The following PUM2 variants were observed in gnomAD, a reference collection of about 807,000 sequenced individuals.
PUM2 encodes pumilio RNA binding family member 2, also known as pumilio homolog 2.
PUM2 carries 57 observed loss-of-function variants against 124.5 expected under a neutral mutation model. The observed-to-expected ratio is 0.46, with a 90% CI of 0.37 to 0.57. The LOEUF is 0.57. Among genes scored for constraint, PUM2 ranks in the 20% least tolerant of loss-of-function variants. The pLI is 0.00. For missense variants in PUM2, 1,065 were observed against 1,290.6 expected, an observed-to-expected ratio of 0.83 and a Z score of 2.68; for synonymous variants, 460 against 446.1, an observed-to-expected ratio of 1.03 and a Z score of -0.39.
At chr2:20,327,083 T>C (rs1394795024) in intron 2 of PUM2, among the ~76,000 whole-genome samples, 1 of 151,896 alleles carries the variant, frequency 6.6e-6, no homozygotes, top group Non-Finnish European at 1.5e-5. Context: ...ACCAAGTCAA[T>C]CAAATCACCT....
chr2:20,324,692 G>A (rs1683250463), intron 2 of PUM2, among the ~76,000 whole-genome samples: 2 of 152,152 alleles, frequency 1.3e-5, no homozygotes, highest in African/African-American at 4.8e-5. Context: ...CATGCTATCA[G>A]TGTAAAAACA....
Position 20,294,495 on chromosome 2 carries a change from A to T in PUM2, c.1033T>A (p.Tyr345Asn), listed in dbSNP as rs1675034929. 6.2e-7 allele frequency: 1 copy of T among 1,613,936 alleles called. No homozygotes were observed. Among genetic ancestry groups the T allele is most frequent in the South Asian group, 1.1e-5 (1 of 91,074 alleles). ...LAGPAVVPPQ[Y>N]YGVPWGVYPA... The stretch of plus-strand genomic sequence containing the variant: ...TACACCCCCCATGGAACGCCGTAAT[A>T]CTGAGGTGGAACCACTGCTGGACCT... Residue 345 changes from tyrosine to asparagine, a missense_variant, in exon 9 of 21, where the codon TAT (tyrosine) becomes AAT (asparagine). Transcript: ENST00000361078.
At position 20,254,867 on chromosome 2, in the gene PUM2, C is replaced by T; in HGVS notation, c.2866G>A (p.Ala956Thr). ...AATTACAAAGTATTACAATACCTGG[C>T]AAATTTGTGTTGACTCAGGGCTAAA... Reference protein sequence around the residue: ...KVLALSQHKFASNVVEKCVTH... With the variant: ...KVLALSQHKFTSNVVEKCVTH... Residue 956 changes from alanine to threonine, a missense_variant, in exon 19 of 21, where the codon GCC (alanine) becomes ACC (threonine). This residue lies in a region of PUM2 where 968 missense variants were observed against 1,159.8 expected (regional missense o/e 0.83). Coordinates refer to ENST00000361078, the MANE Select transcript of PUM2 (RefSeq NM_015317.5). 1 of 1,612,444 alleles carries T rather than the reference C, an allele frequency of 6.2e-7. No individual in the cohort carries two copies. The highest frequency in any genetic ancestry group is 8.5e-7 in the Non-Finnish European group (1 of 1,179,528).
chr2:20,349,745 C>T (rs979576767), intron 1 of PUM2, among the ~76,000 whole-genome samples: 5 of 152,246 alleles, frequency 3.3e-5, no homozygotes, highest in African/African-American at 9.6e-5. Flanking sequence ...TTCACCAAAA[C>T]ATCTGCCCCG....
chr2:20,313,300 G>C (rs536924336), intron 3 of PUM2, among the ~76,000 whole-genome samples: 1 of 152,274 alleles, frequency 6.6e-6, no homozygotes, highest in Admixed American at 6.5e-5. Flanking sequence ...GAAAACTTTT[G>C]GTTGAGACTA....
chr2:20,332,712 T>C (rs1388097914), intron 1 of PUM2, among the ~76,000 whole-genome samples: 2 of 152,170 alleles, frequency 1.3e-5, no homozygotes, highest in Non-Finnish European at 2.9e-5. Flanking sequence ...AATAAAAAAG[T>C]TGGAATTTGG....
intron 3 of PUM2, among the ~76,000 whole-genome samples, chr2:20,313,527 C>T (rs957189309): frequency 6.6e-6 from 1 of 152,122 alleles, no homozygotes; most frequent in African/African-American, 2.4e-5. Context: ...ATAATATAAA[C>T]CTTCAGGGAT....
At chr2:20,330,858 TGA>T (rs1352672157) in intron 1 of PUM2, among the ~76,000 whole-genome samples, 2 of 152,204 alleles carry the variant, frequency 1.3e-5, no homozygotes, top group Non-Finnish European at 2.9e-5. Flanking sequence ...AATCTGTGTG[TGA>T]GAGCTGATGC....
rs576172355 is a variant in PUM2 at position 20,271,916 on chromosome 2, T to C, written c.1957+6667A>G. On this transcript the variant is annotated intron_variant, in intron 13 of 20. Transcript: ENST00000361078. Reference sequence around the variant, plus strand: ...GCTCACACCTGTAATCCCAGCACTTTGGGAGACCGAGGCAAGTGGATCACC... The same window carrying C: ...GCTCACACCTGTAATCCCAGCACTTCGGGAGACCGAGGCAAGTGGATCACC... 1.4e-3 allele frequency among the ~76,000 whole-genome samples: 211 copies of C among 152,272 alleles called. 2 individuals carry two copies. The highest frequency in any genetic ancestry group is 4.9e-3 in the African/African-American group (205 of 41,550).
intron 4 of PUM2, 116 bp from the exon 5 acceptor site, chr2:20,311,779 T>C: frequency 8.8e-7 from 1 of 1,130,020 alleles, no homozygotes; most frequent in Non-Finnish European, 1.2e-6. Flanking sequence ...CATTGAATCT[T>C]ATTTAATTTC....
intron 1 of PUM2, among the ~76,000 whole-genome samples, chr2:20,345,221 C>T (rs1218194142): frequency 6.6e-6 from 1 of 151,624 alleles, no homozygotes; most frequent in Non-Finnish European, 1.5e-5. Context: ...CACCTCATTC[C>T]CACCTCAGCC....
At chr2:20,350,956 C>T (rs1689270423), upstream of PUM2, 1 of 214,690 alleles carries the variant, frequency 4.7e-6, no homozygotes, top group Admixed American at 6.5e-5. Flanking sequence ...GCGCTGCCGC[C>T]GCGCGGGCCG....
intron 13 of PUM2, among the ~76,000 whole-genome samples, chr2:20,273,623 A>C (rs1351924641): frequency 6.6e-6 from 1 of 152,158 alleles, no homozygotes; most frequent in Non-Finnish European, 1.5e-5. Flanking sequence ...TCTTCAAAAC[A>C]TTATTTCCTA....
At chr2:20,296,610 C>A (rs1477184513) in intron 8 of PUM2, among the ~76,000 whole-genome samples, 1 of 151,466 alleles carries the variant, frequency 6.6e-6, no homozygotes, top group African/African-American at 2.4e-5. Context: ...CCAGCCCCCC[C>A]AAAAACAACA....
chr2:20,255,415 GTT>G (rs66951840), intron 17 of PUM2, 74 bp from the exon 18 acceptor site: 12,973 of 1,135,978 alleles, frequency 0.011, no homozygotes, highest in Middle Eastern at 0.016. Context: ...AGACTGGTTT[GTT>G]TTTTTTTTTT....
At chr2:20,279,213 T>C (rs1354793598) in intron 12 of PUM2, among the ~76,000 whole-genome samples, 1 of 151,936 alleles carries the variant, frequency 6.6e-6, no homozygotes, top group African/African-American at 2.4e-5. Flanking sequence ...AACCTGCTTC[T>C]TAGACTTTAA....
chr2:20,281,487 A>T (rs1199936004), intron 12 of PUM2, among the ~76,000 whole-genome samples: 2 of 152,186 alleles, frequency 1.3e-5, no homozygotes, highest in Admixed American at 1.3e-4. Flanking sequence ...TTTTTTCTGA[A>T]TTATTTAGGG....
intron 7 of PUM2, among the ~76,000 whole-genome samples, chr2:20,307,362 C>T (rs1678585077): frequency 6.6e-6 from 1 of 151,926 alleles, no homozygotes; most frequent in African/African-American, 2.4e-5. Flanking sequence ...TAGACAAAAT[C>T]AGACAGGCAT....
In PUM2 at chr2:20,323,948, A is replaced by G. The variant is rs568149848; in HGVS notation, c.51+3362T>C. 2.8e-3 allele frequency among the ~76,000 whole-genome samples: 423 copies of G among 149,220 alleles called. 3 individuals are homozygous for G. The highest frequency in any genetic ancestry group is 5.2e-3 in the Non-Finnish European group (348 of 67,338). Reference sequence around the variant, plus strand: ...AAAAAAAAAAAAAAAATCCAGTATCAGATCACCACTGGGAATAAGGAAAAA... The same window carrying G: ...AAAAAAAAAAAAAAAATCCAGTATCGGATCACCACTGGGAATAAGGAAAAA... On this transcript the variant is annotated intron_variant, in intron 2 of 20. Coordinates refer to ENST00000361078, the MANE Select transcript of PUM2 (RefSeq NM_015317.5).
Sources: allele counts gnomAD v4.1 joint callset (sites outside exome capture counted in the v4.1 genomes callset), GRCh38; gene constraint gnomAD v4.1.1; regional missense constraint gnomAD v4.1.1; transcripts MANE v1.5; gene names NCBI Gene and HGNC (gene_info 2026-07-23, HGNC 2026-07-21).